EFNA5: variants seen among roughly 807,000 people sequenced by gnomAD.
The protein encoded by EFNA5 is ephrin A5, also known as ephrin-A5.
A neutral mutation model predicts 22.9 loss-of-function variants in EFNA5; 5 were observed. That is an observed-to-expected ratio of 0.22 (90% CI 0.11 to 0.46). The LOEUF (loss-of-function observed/expected upper bound fraction) is 0.46. EFNA5 is among the 20% of genes least tolerant of loss of function. The probability of loss-of-function intolerance (pLI) is 0.99; values close to 1 mark genes in which losing one functional copy is unlikely to be tolerated. For synonymous variants in EFNA5, 113 were observed against 112.2 expected, an observed-to-expected ratio of 1.01 and a Z score of -0.04; for missense variants, 237 against 293.3, an observed-to-expected ratio of 0.81 and a Z score of 1.40.
intron 1 of EFNA5, among the ~76,000 whole-genome samples, chr5:107,535,744 G>A (rs1019540659): frequency 2.0e-5 from 3 of 152,002 alleles, no homozygotes; most frequent in East Asian, 1.9e-4. Context: ...GTTTTTTCTC[G>A]AGGTCGTTAT....
rs114839070 is a variant in EFNA5, at chr5:107,410,098, G to A, written c.418+17119C>T. 5.2e-3 allele frequency among the ~76,000 whole-genome samples: 721 copies of A among 139,600 alleles called. 10 individuals carry two copies. Among genetic ancestry groups the A allele is most frequent in the African/African-American group, 0.018 (683 of 37,546 alleles). The allele number at this position is 139,600 out of a possible 152,430, so 91.6% of individuals were successfully genotyped here. On this transcript the variant is annotated intron_variant, in intron 2 of 4. Coordinates refer to ENST00000333274, the MANE Select transcript of EFNA5 (RefSeq NM_001962.3). Reference sequence around the variant, plus strand: ...GGCTGGAGTGCAGCGGCGCGATCTCGGTTCATGCAAGCTCCGCTTCCCGGG... The same window carrying A: ...GGCTGGAGTGCAGCGGCGCGATCTCAGTTCATGCAAGCTCCGCTTCCCGGG...
chr5:107,450,217 T>G (rs1378982555), intron 1 of EFNA5, among the ~76,000 whole-genome samples: 1 of 152,186 alleles, frequency 6.6e-6, no homozygotes, highest in East Asian at 1.9e-4. Flanking sequence ...TTTGATTCAC[T>G]GAAACAAAAT....
chr5:107,481,678 G>A (rs1272954222), intron 1 of EFNA5, among the ~76,000 whole-genome samples: 1 of 151,682 alleles, frequency 6.6e-6, no homozygotes, highest in African/African-American at 2.4e-5. Flanking sequence ...GTGAAACCGT[G>A]TCTCTGCTAA....
Position 107,495,266 on chromosome 5 carries a change from C to G in EFNA5, c.126-67757G>C, listed in dbSNP as rs927637459. 2.6e-5 allele frequency among the ~76,000 whole-genome samples: 4 copies of G among 152,250 alleles called. No individual in the cohort carries two copies. In the South Asian group the frequency reaches 8.3e-4, roughly 32 times the overall value. ...CTCCTGAAGTCAGCGGGACCAGGAG[C>G]CCACCGGGAGGAACGAACAACTCCA... On this transcript the variant is annotated intron_variant, in intron 1 of 4. Coordinates refer to ENST00000333274, the MANE Select transcript of EFNA5 (RefSeq NM_001962.3).
chr5:107,441,614 T>C (rs1294933120), intron 1 of EFNA5, among the ~76,000 whole-genome samples: 3 of 152,166 alleles, frequency 2.0e-5, no homozygotes, highest in African/African-American at 7.2e-5. Flanking sequence ...GCCTATTGTT[T>C]TTCTGTTTTA....
At chr5:107,523,198 T>A (rs1747630074) in intron 1 of EFNA5, among the ~76,000 whole-genome samples, 1 of 152,192 alleles carries the variant, frequency 6.6e-6, no homozygotes, top group African/African-American at 2.4e-5. Flanking sequence ...ATTTTACATA[T>A]GCCAGACACC....
chr5:107,645,394 ATTTG>A (rs1750611369), intron 1 of EFNA5, among the ~76,000 whole-genome samples: 2 of 152,162 alleles, frequency 1.3e-5, no homozygotes, highest in Non-Finnish European at 1.5e-5. Context: ...ACCCTTCATA[ATTTG>A]TTTAAAAGTC....
intron 1 of EFNA5, among the ~76,000 whole-genome samples, chr5:107,428,207 A>G (rs1353576723): frequency 1.3e-5 from 2 of 152,234 alleles, no homozygotes; most frequent in Non-Finnish European, 2.9e-5. Flanking sequence ...AACTTATTTT[A>G]GTGCATCTCG....
chr5:107,422,850 G>A (rs1164835055), intron 2 of EFNA5, among the ~76,000 whole-genome samples: 2 of 152,184 alleles, frequency 1.3e-5, no homozygotes, highest in South Asian at 2.1e-4. Context: ...ACAGGAGCTT[G>A]CTGCACTGGT....
chr5:107,406,597 A>G lies in EFNA5; in HGVS notation c.419-18826T>C, dbSNP rs977774549. 2.0e-5 allele frequency among the ~76,000 whole-genome samples: 3 copies of G among 152,122 alleles called. No homozygotes were observed. In the East Asian group the frequency reaches 5.8e-4, roughly 29 times the overall value. ...TACAATAAGTATGTTTTATATATATATATCACAATTTCCCCAGCTTCACAT... is the reference window on the plus strand; with the variant it reads ...TACAATAAGTATGTTTTATATATATGTATCACAATTTCCCCAGCTTCACAT... On this transcript the variant is annotated intron_variant, in intron 2 of 4. Transcript: ENST00000333274.
chr5:107,650,708 T>C lies in EFNA5; in HGVS notation c.125+19781A>G, dbSNP rs570036079. On this transcript the variant is annotated intron_variant, in intron 1 of 4. Transcript: ENST00000333274. ...ATTTCCTGACTGTATGATTGCTAAA[T>C]TCTAAAACTTTTATTCAGGGAATAT... Among the ~76,000 whole-genome samples, 9 of 152,328 alleles carry C rather than the reference T, an allele frequency of 5.9e-5. 1 individual carries two copies. Among genetic ancestry groups the C allele is most frequent in the African/African-American group, 2.2e-4 (9 of 41,586 alleles).
chr5:107,463,004 C>A (rs1749872767), intron 1 of EFNA5, among the ~76,000 whole-genome samples: 1 of 152,092 alleles, frequency 6.6e-6, no homozygotes, highest in Non-Finnish European at 1.5e-5. Context: ...CATCCTGATG[C>A]TGAATATGTC....
intron 1 of EFNA5, among the ~76,000 whole-genome samples, chr5:107,491,446 G>A (rs554367052): frequency 6.6e-6 from 1 of 152,212 alleles, no homozygotes; most frequent in South Asian, 2.1e-4. Context: ...TGAGTAGCTG[G>A]GATTACAGGT....
intron 1 of EFNA5, among the ~76,000 whole-genome samples, chr5:107,569,576 TATATATATA>T (rs1465343663): frequency 1.0e-3 from 26 of 25,288 alleles, no homozygotes; most frequent in South Asian, 4.7e-3. Context: ...TATATATATA[TATATATATA>T]TATATATATA....
chr5:107,511,312 C>G (rs576204016), intron 1 of EFNA5, among the ~76,000 whole-genome samples: 33 of 152,206 alleles, frequency 2.2e-4, no homozygotes, highest in African/African-American at 7.5e-4. Flanking sequence ...AAGAGTGAGC[C>G]ACTGCTCCCG....
At chr5:107,426,748 C>A (rs1413527064) in intron 2 of EFNA5, among the ~76,000 whole-genome samples, 1 of 152,192 alleles carries the variant, frequency 6.6e-6, no homozygotes, top group Non-Finnish European at 1.5e-5. Context: ...TTTCTCCTTG[C>A]TGCAAAGAGA....
chr5:107,477,083 C>T (rs1376471790), intron 1 of EFNA5, among the ~76,000 whole-genome samples: 1 of 152,110 alleles, frequency 6.6e-6, no homozygotes, highest in Non-Finnish European at 1.5e-5. Context: ...GGCAACTCAA[C>T]ACGAAAGCCA....
chr5:107,605,983 A>C (rs963912456), intron 1 of EFNA5, among the ~76,000 whole-genome samples: 3 of 152,186 alleles, frequency 2.0e-5, no homozygotes. Flanking sequence ...CACTCAGGTC[A>C]CTTCAAGGTG....
At chr5:107,494,400 G>A (rs536921160) in intron 1 of EFNA5, among the ~76,000 whole-genome samples, 279 of 152,354 alleles carry the variant, frequency 1.8e-3, no homozygotes, top group Middle Eastern at 6.8e-3. Flanking sequence ...CAGCGGCTGC[G>A]GAGGGTGTAC....
Sources: allele counts gnomAD v4.1 joint callset (sites outside exome capture counted in the v4.1 genomes callset), GRCh38; gene constraint gnomAD v4.1.1; transcripts MANE v1.5; gene names NCBI Gene and HGNC (gene_info 2026-07-23, HGNC 2026-07-21).